Variants in ATP8B4 observed in about 807,000 individuals in gnomAD.
ATP8B4 encodes the protein probable phospholipid-transporting ATPase IM.
Under a neutral mutation model 145.6 loss-of-function variants are expected in ATP8B4, and 133 were observed. That is an observed-to-expected ratio of 0.91 (90% CI 0.79 to 1.05). ATP8B4 has a LOEUF of 1.05. Ranked by LOEUF, ATP8B4 falls within the 50% of genes least tolerant of loss-of-function variation. The pLI is 0.00. For synonymous variants in ATP8B4, 507 were observed against 492.9 expected (o/e 1.03, Z -0.38); for missense variants, 1,458 against 1,425.2 (o/e 1.02, Z -0.37).
intron 6 of ATP8B4, among the ~76,000 whole-genome samples, chr15:50,038,225 A>C (rs1003789892): frequency 8.5e-5 from 13 of 152,138 alleles, no homozygotes; most frequent in African/African-American, 3.1e-4. Context: ...ATGTGTTTTT[A>C]AAGCATTTCT....
chr15:49,883,090 A>AT (rs2153410905), intron 23 of ATP8B4: 1 of 152,040 alleles, frequency 6.6e-6, no homozygotes, highest in Non-Finnish European at 1.5e-5. Context: ...GTCATTTTAA[A>AT]TTTTTCCCAG....
Position 50,072,225 on chromosome 15 carries a change from A to AT in ATP8B4, c.87+1901dup, listed in dbSNP as rs561877646. On this transcript the variant is annotated intron_variant, in intron 3 of 27. Transcript: ENST00000284509. ...CAAAGTTTGCCCCTGGGACTCTCAT[A>AT]TTTCTATGCTTTAATAGCCATCAAA... 1.9e-3 allele frequency among the ~76,000 whole-genome samples: 282 copies of AT among 152,088 alleles called. 1 individual carries two copies. The highest frequency in any genetic ancestry group is 6.5e-3 in the African/African-American group (270 of 41,486).
In ATP8B4 at chr15:50,156,879, A is replaced by G. The variant is rs373740876; in HGVS notation, c.-43+25382T>C. Reference sequence around the variant, plus strand: ...TATCAGGAGCTTGGACTGGTATTTTAGATTGTGGTGATAGTCTTAGCGGCT... The same window carrying G: ...TATCAGGAGCTTGGACTGGTATTTTGGATTGTGGTGATAGTCTTAGCGGCT... On this transcript the variant is annotated intron_variant, in intron 1 of 3. Coordinates refer to the ATP8B4 transcript ENST00000558829. Among the ~76,000 whole-genome samples, 6 of 152,318 alleles carry G rather than the reference A, an allele frequency of 3.9e-5. 2 individuals carry two copies. The highest frequency in any genetic ancestry group is 1.3e-4 in the Admixed American group (2 of 15,302).
intron 1 of ATP8B4, among the ~76,000 whole-genome samples, chr15:50,155,436 C>T (rs2153681198): frequency 6.6e-6 from 1 of 152,166 alleles, no homozygotes; most frequent in South Asian, 2.1e-4. Context: ...AAAGATAAAA[C>T]TGTCTGACCA....
chr15:50,020,631 C>G (rs2049477966), intron 6 of ATP8B4, among the ~76,000 whole-genome samples: 1 of 152,112 alleles, frequency 6.6e-6, no homozygotes, highest in African/African-American at 2.4e-5. Flanking sequence ...TGATAGAATT[C>G]TGGTTTCCTA....
Position 50,072,168 on chromosome 15 carries a change from C to G in ATP8B4, c.87+1959G>C, listed in dbSNP as rs536835668. 5.7e-4 allele frequency among the ~76,000 whole-genome samples: 87 copies of G among 152,182 alleles called. 1 individual carries two copies. The highest frequency in any genetic ancestry group is 2.0e-3 in the African/African-American group (84 of 41,506). On this transcript the variant is annotated intron_variant, in intron 3 of 27. Coordinates refer to ENST00000284509, the MANE Select transcript of ATP8B4 (RefSeq NM_024837.4). Reference sequence around the variant, plus strand: ...AAAAAACTCCACTGACCAAAATTCTCTCTCCTCTAGTTGGTACCTAATGGA... The same window carrying G: ...AAAAAACTCCACTGACCAAAATTCTGTCTCCTCTAGTTGGTACCTAATGGA...
At chr15:50,143,937 G>A (rs564816221) in intron 1 of ATP8B4, among the ~76,000 whole-genome samples, 101 of 152,334 alleles carry the variant, frequency 6.6e-4, no homozygotes, top group African/African-American at 2.2e-3. Flanking sequence ...AGATAAATGG[G>A]AGCCACACAT....
chr15:49,921,062 C>T (rs1342754704), intron 17 of ATP8B4, among the ~76,000 whole-genome samples: 1 of 152,106 alleles, frequency 6.6e-6, no homozygotes, highest in Non-Finnish European at 1.5e-5. Flanking sequence ...AAGCATATTA[C>T]TTAAGGTTAT....
chr15:50,130,933 G>A (rs766901218), intron 1 of ATP8B4, among the ~76,000 whole-genome samples: 8 of 152,162 alleles, frequency 5.3e-5, no homozygotes, highest in Non-Finnish European at 8.8e-5. Flanking sequence ...CAAAAGAGGT[G>A]TAATTGACTC....
intron 24 of ATP8B4, among the ~76,000 whole-genome samples, chr15:49,878,064 A>G (rs2034774823): frequency 6.6e-6 from 1 of 152,232 alleles, no homozygotes; most frequent in Non-Finnish European, 1.5e-5. Context: ...GCCAAGGTTG[A>G]CAAAGCAGGA....
intron 10 of ATP8B4, among the ~76,000 whole-genome samples, chr15:49,985,299 T>C (rs1024958229): frequency 6.6e-6 from 1 of 152,082 alleles, no homozygotes; most frequent in Non-Finnish European, 1.5e-5. Context: ...GGTTTCACCA[T>C]GTTAGCCAGG....
At chr15:50,151,758 A>T (rs1466037577) in intron 1 of ATP8B4, among the ~76,000 whole-genome samples, 1 of 148,570 alleles carries the variant, frequency 6.7e-6, no homozygotes, top group East Asian at 1.9e-4. Flanking sequence ...AAAAAAAAAA[A>T]AAAAAGAGAG....
chr15:49,882,662 A>T (rs914428286), intron 23 of ATP8B4, among the ~76,000 whole-genome samples: 1 of 152,246 alleles, frequency 6.6e-6, no homozygotes, highest in Admixed American at 6.5e-5. Flanking sequence ...ATACAGTGCA[A>T]AAGTATGAAA....
intron 1 of ATP8B4, among the ~76,000 whole-genome samples, chr15:50,115,345 A>C (rs2057131929): frequency 1.3e-5 from 2 of 151,690 alleles, no homozygotes; most frequent in African/African-American, 2.4e-5. Context: ...AAAATAAATA[A>C]ATAAATAAAA....
chr15:49,955,090 A>G (rs918740029), intron 14 of ATP8B4, among the ~76,000 whole-genome samples: 2 of 152,186 alleles, frequency 1.3e-5, no homozygotes, highest in African/African-American at 4.8e-5. Flanking sequence ...CAAATACCAC[A>G]TGTTCTCACT....
chr15:50,099,089 C>T (rs1189994060), intron 2 of ATP8B4, among the ~76,000 whole-genome samples: 1 of 152,084 alleles, frequency 6.6e-6, no homozygotes, highest in Non-Finnish European at 1.5e-5. Context: ...CATACTAAGG[C>T]AGTAATGTGT....
At position 50,168,539 on chromosome 15, in the gene ATP8B4, GCC is replaced by G. The variant is rs2044626495; in HGVS notation, c.-43+13720_-43+13721del. ...CAGAAAGGCCCTGGGAGCTCGCTGG[GCC>G]CTCAAGCAGCCCATTCCTGCCTGAC... On this transcript the variant is annotated intron_variant, in intron 1 of 3. Transcript: ENST00000558829. Among the ~76,000 whole-genome samples the G allele has an allele frequency of 2.0e-5, 3 of 152,324 alleles. No homozygotes were observed. In the South Asian group the frequency reaches 6.2e-4, roughly 32 times the overall value.
At chr15:50,103,683 A>T (rs1264935847) in intron 2 of ATP8B4, among the ~76,000 whole-genome samples, 1 of 152,192 alleles carries the variant, frequency 6.6e-6, no homozygotes, top group Non-Finnish European at 1.5e-5. Flanking sequence ...ATTCAATGCA[A>T]TTCCCATCAA....
chr15:50,058,474 A>G (rs767481252), intron 3 of ATP8B4, among the ~76,000 whole-genome samples: 80 of 152,330 alleles, frequency 5.3e-4, no homozygotes, highest in Middle Eastern at 3.4e-3. Context: ...ACACAATGGA[A>G]AAGTCCAGTT....
Sources: allele counts gnomAD v4.1 joint callset (sites outside exome capture counted in the v4.1 genomes callset), GRCh38; gene constraint gnomAD v4.1.1; transcripts MANE v1.5; gene names NCBI Gene and HGNC (gene_info 2026-07-23, HGNC 2026-07-21).